DIP2B: variants seen among roughly 807,000 people sequenced by gnomAD.
DIP2B encodes disco-interacting protein 2 homolog B.
In DIP2B, 76 loss-of-function variants were observed where a neutral mutation model predicts 198.0. The observed-to-expected ratio is 0.38, with a 90% confidence interval of 0.32 to 0.46. The LOEUF (loss-of-function observed/expected upper bound fraction) is 0.46, where lower values mean the gene tolerates loss of function less well. Among genes scored for constraint, DIP2B ranks in the 20% least tolerant of loss-of-function variants. DIP2B has a pLI of 0.99. For synonymous variants in DIP2B, 701 were observed against 739.1 expected (o/e 0.95, Z 0.84); for missense variants, 1,559 against 1,978.4 (o/e 0.79, Z 4.02).
chr12:50,539,328 A>G (rs978856308), intron 1 of DIP2B, among the ~76,000 whole-genome samples: 2 of 151,326 alleles, frequency 1.3e-5, no homozygotes, highest in African/African-American at 4.9e-5. Flanking sequence ...AAAAGAATAT[A>G]TATAAAGTGT....
intron 25 of DIP2B, among the ~76,000 whole-genome samples, chr12:50,719,517 T>C (rs542080816): frequency 6.6e-6 from 1 of 152,330 alleles, no homozygotes; most frequent in South Asian, 2.1e-4. Context: ...CACATTTAAC[T>C]ACTGGTTTCT....
At chr12:50,604,257 TATTAA>T (rs1354464501) in intron 1 of DIP2B, among the ~76,000 whole-genome samples, 1 of 151,782 alleles carries the variant, frequency 6.6e-6, no homozygotes, top group Non-Finnish European at 1.5e-5. Flanking sequence ...GAACCTAATG[TATTAA>T]ATTTAATAAG....
At chr12:50,623,421 ACACACACACACACACACTCTCTCTCTCT>A (rs1164970097) in intron 1 of DIP2B, among the ~76,000 whole-genome samples, 1 of 96,982 alleles carries the variant, frequency 1.0e-5, no homozygotes, top group Non-Finnish European at 2.1e-5. Context: ...ACACACACAC[ACACACACACACACACACTCTCTCTCTCT>A]CTCTCTCTCT....
rs191227903 is a variant in DIP2B, at chr12:50,520,876, A to G, written c.100+15636A>G. ...TCTTACTAGTATCTGACACTCTTCT[A>G]TTACAATCATATGGGTTTCCTCACT... is the stretch of plus-strand genomic sequence containing the variant. On this transcript the variant is annotated intron_variant, in intron 1 of 37. Transcript: ENST00000301180. Among the ~76,000 whole-genome samples the G allele has an allele frequency of 1.2e-3, 187 of 152,046 alleles. 1 individual carries two copies. Among genetic ancestry groups the G allele is most frequent in the African/African-American group, 4.3e-3 (177 of 41,486 alleles).
intron 1 of DIP2B, among the ~76,000 whole-genome samples, chr12:50,605,356 C>T (rs150746706): frequency 6.2e-4 from 94 of 152,088 alleles, no homozygotes; most frequent in African/African-American, 2.2e-3. Context: ...CTAAGGTGGG[C>T]GGATCATTGT....
chr12:50,698,953 A>T, intron 18 of DIP2B, 113 bp from the exon 19 acceptor site: 1 of 1,197,778 alleles, frequency 8.3e-7, no homozygotes, highest in Non-Finnish European at 1.2e-6. Context: ...TGGTATTTTT[A>T]CTTAATGCCA....
intron 1 of DIP2B, among the ~76,000 whole-genome samples, chr12:50,545,053 C>G (rs1958364158): frequency 6.6e-6 from 1 of 152,108 alleles, no homozygotes; most frequent in South Asian, 2.1e-4. Flanking sequence ...GTACCACATT[C>G]ATTTATTCTA....
At chr12:50,725,533 G>A (rs1443925667) in intron 28 of DIP2B, among the ~76,000 whole-genome samples, 2 of 152,146 alleles carry the variant, frequency 1.3e-5, no homozygotes, top group Admixed American at 1.3e-4. Context: ...TAGGGTTTAA[G>A]TCCTGCTGTA....
At chr12:50,722,152 A>C (rs17124930) in intron 26 of DIP2B, among the ~76,000 whole-genome samples, 1 of 151,788 alleles carries the variant, frequency 6.6e-6, no homozygotes, top group Non-Finnish European at 1.5e-5. Context: ...TTTTCCCTTC[A>C]TTATTTCTGT....
rs769468428 is a variant in DIP2B at position 50,695,365 on chromosome 12, TC to T, written c.1813+6del. On this transcript the variant is annotated splice_donor_region_variant and intron_variant, in intron 15 of 37. Coordinates refer to ENST00000301180, the MANE Select transcript of DIP2B (RefSeq NM_173602.3). ...AAAGAGTACATGCTCACAAAGGTAG[TC>T]ACCTGCAACATCTGAGCTTTAATTA... The T allele has an allele frequency of 1.9e-5, 31 of 1,607,710 alleles. No homozygotes were observed.
intron 2 of DIP2B, among the ~76,000 whole-genome samples, chr12:50,628,685 T>C (rs180839103): frequency 4.6e-5 from 7 of 152,276 alleles, no homozygotes; most frequent in African/African-American, 7.2e-5. Flanking sequence ...GCCACTTCCA[T>C]TTTCACCCTC....
At chr12:50,606,769 T>C (rs1958985425) in intron 1 of DIP2B, among the ~76,000 whole-genome samples, 1 of 152,046 alleles carries the variant, frequency 6.6e-6, no homozygotes, top group Non-Finnish European at 1.5e-5. Flanking sequence ...TAGCTGGGAC[T>C]ACAGGCTCAT....
At chr12:50,670,056 G>A (rs1045626789) in intron 4 of DIP2B, among the ~76,000 whole-genome samples, 4 of 152,064 alleles carry the variant, frequency 2.6e-5, no homozygotes, top group Non-Finnish European at 5.9e-5. Context: ...TGCTTCATAA[G>A]CTTAGAACCC....
At chr12:50,675,226 C>A (rs1938925781) in intron 6 of DIP2B, 103 bp from the exon 7 acceptor site, 10 of 1,440,122 alleles carry the variant, frequency 6.9e-6, no homozygotes, top group South Asian at 1.5e-5. Flanking sequence ...GGAAACTGGA[C>A]AAACGCCAAA....
At chr12:50,552,150 A>G (rs1429731397) in intron 1 of DIP2B, among the ~76,000 whole-genome samples, 1 of 152,130 alleles carries the variant, frequency 6.6e-6, no homozygotes, top group African/African-American at 2.4e-5. Flanking sequence ...TTCTCTGATG[A>G]TGAATGATGT....
chr12:50,590,837 C>G (rs543487265), intron 1 of DIP2B, among the ~76,000 whole-genome samples: 1 of 152,220 alleles, frequency 6.6e-6, no homozygotes, highest in South Asian at 2.1e-4. Flanking sequence ...AGACCAGAAC[C>G]CATCTAGGAA....
rs574938327 is a variant in DIP2B, at chr12:50,505,001, T to TGGCGGCGGCGGCGGCGGC, written c.-134_-117dup. The TGGCGGCGGCGGCGGCGGC allele has an allele frequency of 0.022, 14,522 of 649,200 alleles. 857 individuals are homozygous for TGGCGGCGGCGGCGGCGGC. Among genetic ancestry groups the TGGCGGCGGCGGCGGCGGC allele is most frequent in the Non-Finnish European group, 0.026 (10,078 of 383,836 alleles). The allele number at this position is 649,200 out of a possible 1,614,324, so 40.2% of individuals were successfully genotyped here. On this transcript the variant is annotated 5_prime_UTR_variant, in exon 1 of 38. Coordinates refer to ENST00000301180, the MANE Select transcript of DIP2B (RefSeq NM_173602.3). ...GTCGCGCTCACGTGACCTTTGCTCATGGCGGCGGCGGCGGCGGCGGCGGTG... is the reference window on the plus strand; with the variant it reads ...GTCGCGCTCACGTGACCTTTGCTCATGGCGGCGGCGGCGGCGGCGGCGGCGGCGGCGGCGGCGGCGGTG...
chr12:50,520,325 C>T (rs768074331), intron 1 of DIP2B, among the ~76,000 whole-genome samples: 10 of 152,012 alleles, frequency 6.6e-5, no homozygotes, highest in Non-Finnish European at 1.2e-4. Context: ...CGTGAGCCAC[C>T]GTACCCGGCC....
chr12:50,585,025 C>G (rs1485137272), intron 1 of DIP2B, among the ~76,000 whole-genome samples: 1 of 152,160 alleles, frequency 6.6e-6, no homozygotes, highest in Non-Finnish European at 1.5e-5. Context: ...TGTCCTCTTT[C>G]ACAGCAGGAT....
Sources: gnomAD v4.1 joint callset for allele counts (sites outside exome capture counted in the v4.1 genomes callset) on GRCh38, gnomAD v4.1.1 for gene constraint, MANE v1.5 for transcripts, NCBI Gene and HGNC (gene_info 2026-07-23, HGNC 2026-07-21) for gene names.